Variants in CFAP69 observed in about 807,000 individuals in gnomAD.
The protein encoded by CFAP69 is cilia and flagella associated protein 69, also known as cilia- and flagella-associated protein 69.
Under a neutral mutation model 123.0 loss-of-function variants are expected in CFAP69, and 92 were observed. The ratio of observed to expected loss-of-function variants is 0.75; its 90% CI spans 0.63 to 0.89. The LOEUF is 0.89. Ranked by LOEUF, CFAP69 falls within the 40% of genes least tolerant of loss-of-function variation. CFAP69 has a pLI of 0.00. For missense variants in CFAP69, 1,067 were observed against 1,096.9 expected, an observed-to-expected ratio of 0.97 and a Z score of 0.39; for synonymous variants, 380 against 364.3, an observed-to-expected ratio of 1.04 and a Z score of -0.49.
chr7:90,314,720 A>G (rs1003531814), downstream of CFAP69, among the ~76,000 whole-genome samples: 1 of 145,582 alleles, frequency 6.9e-6, no homozygotes, highest in Non-Finnish European at 1.5e-5. Context: ...ACAGTTTGGT[A>G]TTTTTTATTA....
At position 90,279,205 on chromosome 7, in the gene CFAP69, C is replaced by CATTA. The variant is rs1358426442; in HGVS notation, c.1156-471_1156-468dup. On this transcript the variant is annotated intron_variant, in intron 11 of 22. Coordinates refer to ENST00000389297, the MANE Select transcript of CFAP69 (RefSeq NM_001039706.3). Reference sequence around the variant, plus strand: ...CATGTGGTTAAATATTCACTGTAGTCATTACCTCAGACAAAATTCTTTTTT... The same window carrying CATTA: ...CATGTGGTTAAATATTCACTGTAGTCATTAATTACCTCAGACAAAATTCTTTTTT... 2.0e-5 allele frequency among the ~76,000 whole-genome samples: 3 copies of CATTA among 152,018 alleles called. No individual in the cohort carries two copies. In the South Asian group the frequency reaches 6.2e-4, roughly 31 times the overall value.
At chr7:90,322,994 T>C in the CFAP69 span, among the ~76,000 whole-genome samples, 5 of 152,228 alleles carry the variant, frequency 3.3e-5, no homozygotes, top group East Asian at 7.7e-4. Context: ...TGATATATTG[T>C]CTTCCCCAAA....
intron 6 of CFAP69, among the ~76,000 whole-genome samples, chr7:90,269,544 C>T (rs1021431449): frequency 1.3e-5 from 2 of 152,132 alleles, no homozygotes; most frequent in African/African-American, 4.8e-5. Flanking sequence ...CAGTGTCAAA[C>T]GCTGCAGTTT....
rs1350472095 is a variant in CFAP69, at chr7:90,304,366, A to AGATGAT, written c.2188+261_2188+266dup. The AGATGAT allele has an allele frequency of 2.4e-5, 29 of 1,228,276 alleles. No individual in the cohort carries two copies. In the African/African-American group the frequency reaches 4.3e-4, roughly 18 times the overall value. The allele number at this position is 1,228,276 out of a possible 1,614,324, so 76.1% of individuals were successfully genotyped here. On this transcript the variant is annotated intron_variant, in intron 18 of 22. Coordinates refer to ENST00000389297, the MANE Select transcript of CFAP69 (RefSeq NM_001039706.3). ...AGATAGGATTAAGGACAGTTAGTTT[A>AGATGAT]GATGATTAAGCTTAAAATACTGACA...
In CFAP69 at chr7:90,271,920, A is replaced by C; in HGVS notation, c.822A>C (p.Glu274Asp). The change falls in exon 8 of 23, where the codon GAA (glutamate) becomes GAC (aspartate). Residue 274 changes from glutamate (E) to aspartate (D), a missense_variant. Physicochemically the swap from Glu to Asp is conservative, Grantham distance 45 (BLOSUM62 2). Transcript: ENST00000389297. Reference sequence around the variant, plus strand: ...ACTTGCTGGAAAAATCTTCAAAAGAAGAAGTCATACAACAGCTTAGTAACT... The same window carrying C: ...ACTTGCTGGAAAAATCTTCAAAAGACGAAGTCATACAACAGCTTAGTAACT... ...LWNLLEKSSK[E>D]EVIQQLSNLE... 1.2e-5 allele frequency: 20 copies of C among 1,613,308 alleles called. No individual in the cohort carries two copies. Among genetic ancestry groups the C allele is most frequent in the Non-Finnish European group, 1.7e-5 (20 of 1,179,544 alleles).
intron 4 of CFAP69, among the ~76,000 whole-genome samples, chr7:90,263,049 T>A (rs943593731): frequency 1.3e-5 from 2 of 152,172 alleles, no homozygotes; most frequent in African/African-American, 4.8e-5. Flanking sequence ...CATACGATTA[T>A]ATAATGTAAA....
At chr7:90,252,865 G>A (rs1254336158) in intron 1 of CFAP69, among the ~76,000 whole-genome samples, 1 of 151,932 alleles carries the variant, frequency 6.6e-6, no homozygotes, top group Non-Finnish European at 1.5e-5. Flanking sequence ...ATTTTTAAAG[G>A]CAAGGAAATA....
chr7:90,299,068 C>A (rs1372147889), intron 16 of CFAP69, among the ~76,000 whole-genome samples: 1 of 152,110 alleles, frequency 6.6e-6, no homozygotes, highest in East Asian at 1.9e-4. Context: ...CTCATAATAA[C>A]CCTTTGCAGG....
chr7:90,251,797 G>T (rs1230476452), intron 1 of CFAP69: 1 of 152,134 alleles, frequency 6.6e-6, no homozygotes, highest in Non-Finnish European at 1.5e-5. Flanking sequence ...GATAATGCAA[G>T]ATAAATCTAA....
At position 90,307,874 on chromosome 7, in the gene CFAP69, A is replaced by G. The variant is rs1417594287; in HGVS notation, c.2550+20A>G. ...TTAAAGGTAGGATTTTTAATGTATT[A>G]TAGTATCCACAACAAATAGCCAACT... On this transcript the variant is annotated intron_variant, in intron 21 of 22. Coordinates refer to ENST00000389297, the MANE Select transcript of CFAP69 (RefSeq NM_001039706.3). The G allele has an allele frequency of 8.0e-6, 12 of 1,501,938 alleles. No homozygotes were observed. The South Asian group carries it at 1.1e-4, about 13-fold the overall frequency. The allele number at this position is 1,501,938 out of a possible 1,614,324, so 93.0% of individuals were successfully genotyped here.
chr7:90,297,478 A>C (rs1792160055), intron 15 of CFAP69, among the ~76,000 whole-genome samples: 1 of 152,234 alleles, frequency 6.6e-6, no homozygotes, highest in Non-Finnish European at 1.5e-5. Flanking sequence ...AGAATAATTA[A>C]TATCATGAAA....
chr7:90,268,183 G>T (rs1799427555), intron 5 of CFAP69, 103 bp from the exon 6 acceptor site: 2 of 689,164 alleles, frequency 2.9e-6, no homozygotes, highest in Admixed American at 3.2e-5. Flanking sequence ...GAATCTCTGA[G>T]AATATTTTTA....
At chr7:90,319,286 A>T in the CFAP69 span, 2,670 of 398,396 alleles carry the variant, frequency 6.7e-3, 82 homozygotes, top group African/African-American at 0.05. Flanking sequence ...ACTTGAAAAA[A>T]ATCAGAAGAA....
intron 1 of CFAP69, among the ~76,000 whole-genome samples, chr7:90,253,551 T>G (rs569483147): frequency 1.6e-4 from 24 of 152,130 alleles, no homozygotes; most frequent in African/African-American, 5.1e-4. Flanking sequence ...CCATCACACC[T>G]GGCTAATGTT....
At chr7:90,278,649 A>G (rs1317204561) in intron 11 of CFAP69, among the ~76,000 whole-genome samples, 2 of 152,130 alleles carry the variant, frequency 1.3e-5, no homozygotes, top group African/African-American at 4.8e-5. Flanking sequence ...GCCAAGTAGC[A>G]CAGATTATGG....
chr7:90,289,485 C>A (rs1790797259), intron 15 of CFAP69, among the ~76,000 whole-genome samples: 1 of 152,046 alleles, frequency 6.6e-6, no homozygotes, highest in South Asian at 2.1e-4. Flanking sequence ...TACTGAATTA[C>A]CTATTGTTTT....
chr7:90,264,495 A>G (rs1295460319), intron 4 of CFAP69, among the ~76,000 whole-genome samples: 1 of 152,014 alleles, frequency 6.6e-6, no homozygotes, highest in Non-Finnish European at 1.5e-5. Context: ...GAATGAATAA[A>G]CTATCGATTT....
At chr7:90,275,916 T>C (rs1001728167) in intron 9 of CFAP69, 3 of 152,320 alleles carry the variant, frequency 2.0e-5, no homozygotes, top group Admixed American at 6.5e-5. Flanking sequence ...AAGCCTTTTT[T>C]AAAATGGGAA....
intron 15 of CFAP69, among the ~76,000 whole-genome samples, chr7:90,290,134 C>G (rs75826446): frequency 6.6e-6 from 1 of 152,020 alleles, no homozygotes; most frequent in African/African-American, 2.4e-5. Context: ...CCTAGAGAGA[C>G]AGAACCAGTA....
Sources: allele counts gnomAD v4.1 joint callset (sites outside exome capture counted in the v4.1 genomes callset), GRCh38; gene constraint gnomAD v4.1.1; transcripts MANE v1.5; gene names NCBI Gene and HGNC (gene_info 2026-07-23, HGNC 2026-07-21).